The following BRD7 variants were observed in gnomAD, a reference collection of about 807,000 sequenced individuals.
The protein encoded by BRD7 is bromodomain containing 7.
Under a neutral mutation model 82.1 loss-of-function variants are expected in BRD7, and 15 were observed. That is an observed-to-expected ratio of 0.18 (90% confidence interval 0.12 to 0.28). BRD7 has a LOEUF of 0.28. Ranked by LOEUF, BRD7 falls within the 10% of genes least tolerant of loss-of-function variation. The pLI is 1.00. For synonymous variants in BRD7, 232 were observed against 266.9 expected (o/e 0.87, Z 1.27); for missense variants, 638 against 779.9 (o/e 0.82, Z 2.17).
Position 50,354,481 on chromosome 16 carries a change from T to C in BRD7, c.390A>G (p.Glu130=). ...PLTSSLAKQE[E]VEQTPLQEAL... is the part of the protein sequence containing the mutation. ...CTTCTTGAAGGGGTGTCTGTTCTAC[T>C]TCTAAAGCAAAGAAGAAGGGAAAAG... Residue 130 remains glutamate, a splice_region_variant and synonymous_variant, in exon 4 of 17, where the codon GAA becomes GAG. Transcript: ENST00000394688. 1 of 1,610,618 alleles carries C rather than the reference T, an allele frequency of 6.2e-7. No individual in the cohort carries two copies. The highest frequency in any genetic ancestry group is 1.3e-5 in the African/African-American group (1 of 74,946).
At chr16:50,332,819 A>G (rs1413558889) in intron 8 of BRD7, among the ~76,000 whole-genome samples, 1 of 152,212 alleles carries the variant, frequency 6.6e-6, no homozygotes. Context: ...GAATCAAATC[A>G]TGTCCCCTGC....
intron 2 of BRD7, among the ~76,000 whole-genome samples, chr16:50,359,626 T>TA (rs373852234): frequency 6.6e-6 from 1 of 151,948 alleles, no homozygotes; most frequent in African/African-American, 2.4e-5. Flanking sequence ...AATAACTCAT[T>TA]AAAAAAAATA....
intron 3 of BRD7, 95 bp from the exon 4 acceptor site, chr16:50,354,577 C>T: frequency 8.2e-7 from 1 of 1,218,022 alleles, no homozygotes. Flanking sequence ...TATTAAATAT[C>T]TCATACAGAA....
Position 50,354,480 on chromosome 16 carries a change from C to A in BRD7, c.391G>T (p.Val131Leu), listed in dbSNP as rs749452040. ...LTSSLAKQEEVEQTPLQEALN... is the reference protein window; with the variant it reads ...LTSSLAKQEELEQTPLQEALN... ...GCTTCTTGAAGGGGTGTCTGTTCTA[C>A]TTCTAAAGCAAAGAAGAAGGGAAAA... Residue 131 changes from valine to leucine, a missense_variant and splice_region_variant, in exon 4 of 17, where the codon GTA becomes TTA. By Grantham distance (32) the Val-to-Leu change is conservative. Transcript: ENST00000394688. The A allele has an allele frequency of 6.2e-7, 1 of 1,610,534 alleles. No individual in the cohort carries two copies. The highest frequency in any genetic ancestry group is 1.1e-5 in the South Asian group (1 of 90,916).
chr16:50,367,797 C>G (rs925841071), intron 2 of BRD7, among the ~76,000 whole-genome samples: 2 of 152,224 alleles, frequency 1.3e-5, no homozygotes, highest in African/African-American at 4.8e-5. Flanking sequence ...CTTTCTTGAG[C>G]ATGACTTTTT....
chr16:50,355,648 T>C (rs2038703572), intron 2 of BRD7, among the ~76,000 whole-genome samples: 1 of 152,200 alleles, frequency 6.6e-6, no homozygotes, highest in East Asian at 1.9e-4. Context: ...AAAGAGAAAA[T>C]AGAATTTGAG....
chr16:50,343,640 G>A (rs116867835), intron 5 of BRD7, among the ~76,000 whole-genome samples: 4,276 of 152,242 alleles, frequency 0.028, 92 homozygotes, highest in Middle Eastern at 0.054. Flanking sequence ...TTTGCAAATG[G>A]CACACCAGAT....
At position 50,349,487 on chromosome 16, in the gene BRD7, C is replaced by T. The variant is rs544208335; in HGVS notation, c.591+536G>A. 6.2e-5 allele frequency: 29 copies of T among 465,788 alleles called. No homozygotes were observed. The Middle Eastern group carries it at 2.1e-3, about 33-fold the overall frequency. 28.9% of individuals were successfully genotyped at this position (465,788 alleles called of 1,614,324 possible). A position where few individuals can be genotyped will look rare whatever the true frequency, so the allele number is the denominator to read the frequency against. On this transcript the variant is annotated intron_variant, in intron 5 of 16. Transcript: ENST00000394688. ...ACTCTCTCCTGCTGCCATGTGAAGACGTGCTTGCTTCCCCTTCATGTTCCA... is the reference window on the plus strand; with the variant it reads ...ACTCTCTCCTGCTGCCATGTGAAGATGTGCTTGCTTCCCCTTCATGTTCCA...
intron 2 of BRD7, among the ~76,000 whole-genome samples, chr16:50,356,674 G>C (rs995228624): frequency 1.3e-5 from 2 of 150,718 alleles, no homozygotes; most frequent in African/African-American, 4.9e-5. Context: ...ACTCTGAAAG[G>C]GTATAAGGGA....
intron 5 of BRD7, 22 bp from the exon 6 acceptor site, chr16:50,340,108 A>G: frequency 7.2e-7 from 1 of 1,392,902 alleles, no homozygotes; most frequent in Non-Finnish European, 9.8e-7. Context: ...ACATTAAGGG[A>G]GAAAATGCAT....
rs2039225469 is a variant in BRD7 at position 50,368,255 on chromosome 16, C to T, written c.93G>A (p.Gly31=). 6.2e-7 allele frequency: 1 copy of T among 1,614,102 alleles called. No homozygotes were observed. The highest frequency in any genetic ancestry group is 8.5e-7 in the Non-Finnish European group (1 of 1,180,006). The change falls in exon 2 of 17, where the codon GGG becomes GGA. Residue 31 remains glycine, a synonymous_variant. Transcript: ENST00000394688. ...KPLKLVLKVG[G]NEVTELSTGS... is the part of the protein sequence containing the mutation. ...CCGTGGAGAGTTCGGTGACTTCGTTCCCTCCTACTTTGAGGACCAGCTTCA... is the reference window on the plus strand; with the variant it reads ...CCGTGGAGAGTTCGGTGACTTCGTTTCCTCCTACTTTGAGGACCAGCTTCA...
At position 50,334,912 on chromosome 16, in the gene BRD7, ATATTCT is replaced by A. The variant is rs1376346812; in HGVS notation, c.703-23_703-18del. 1.2e-6 allele frequency: 2 copies of A among 1,604,894 alleles called. No individual in the cohort carries two copies. The highest frequency in any genetic ancestry group is 1.1e-5 in the South Asian group (1 of 89,980). ...AATTCTTTCCTAAACATATTCGAAA[ATATTCT>A]TATTATATGTTTGTCATTAACTTTT... is the stretch of plus-strand genomic sequence containing the variant. On this transcript the variant is annotated intron_variant, in intron 6 of 16. Transcript: ENST00000394688.
chr16:50,330,335 CACTTT>C (rs1489947038), intron 8 of BRD7, among the ~76,000 whole-genome samples: 3 of 78,024 alleles, frequency 3.8e-5, no homozygotes, highest in Non-Finnish European at 5.9e-5. Context: ...GAAAAGAGGA[CACTTT>C]TTTTTTTTTT....
Position 50,354,850 on chromosome 16 carries a change from C to T in BRD7, c.331G>A (p.Val111Met), listed in dbSNP as rs557624551. The change falls in exon 3 of 17, where the codon GTG (valine) becomes ATG (methionine). Residue 111 changes from valine to methionine, a missense_variant. By Grantham distance (21) the Val-to-Met change is conservative. Coordinates refer to ENST00000394688, the MANE Select transcript of BRD7 (RefSeq NM_013263.5). ...TTCTCAGGAGGCAAGTCTAATCTCA[C>T]AGGGGCGTGACACTGGAGATCTTTT... is the stretch of plus-strand genomic sequence containing the variant. ...AEKDLQCHAP[V>M]RLDLPPEKPL... 1 of 1,613,112 alleles carries T rather than the reference C, an allele frequency of 6.2e-7. No homozygotes were observed. Among genetic ancestry groups the T allele is most frequent in the Admixed American group, 1.7e-5 (1 of 60,006 alleles).
chr16:50,346,133 C>T (rs1047134331), intron 5 of BRD7, among the ~76,000 whole-genome samples: 1 of 152,186 alleles, frequency 6.6e-6, no homozygotes, highest in Non-Finnish European at 1.5e-5. Context: ...AACCGCTCAA[C>T]TACATGGAAA....
At chr16:50,340,160 T>C in intron 5 of BRD7, 74 bp from the exon 6 acceptor site, 1 of 713,764 alleles carries the variant, frequency 1.4e-6, no homozygotes, top group South Asian at 2.5e-5. Flanking sequence ...GTTGAAAATA[T>C]ACAGGTCCTC....
Position 50,368,819 on chromosome 16 carries a change from C to T in BRD7, c.-45G>A, listed in dbSNP as rs1174302349. ...CCCGCCCCCCGCGCCAGGCCCAGGC[C>T]GTGCGGCGCCGCTTCCGGTCCGGGC... On this transcript the variant is annotated 5_prime_UTR_variant, in exon 1 of 17. Coordinates refer to ENST00000394688, the MANE Select transcript of BRD7 (RefSeq NM_013263.5). 3 of 1,414,934 alleles carry T rather than the reference C, an allele frequency of 2.1e-6. No individual in the cohort carries two copies. Among genetic ancestry groups the T allele is most frequent in the Non-Finnish European group, 2.8e-6 (3 of 1,071,178 alleles). The allele number at this position is 1,414,934 out of a possible 1,614,324, so 87.6% of individuals were successfully genotyped here.
At position 50,334,780 on chromosome 16, in the gene BRD7, T is replaced by C; in HGVS notation, c.818A>G (p.Gln273Arg). The change falls in exon 7 of 17, where the codon CAG becomes CGG. Residue 273 changes from glutamine to arginine, a missense_variant. Gln to Arg is a conservative substitution (Grantham distance 43, BLOSUM62 1). Transcript: ENST00000394688. Reference protein sequence around the residue: ...SQSGEDGGCWQREREDSGDAE... With the variant: ...SQSGEDGGCWRREREDSGDAE... ...ATCTCCAGAGTCCTCTCTCTCTCTC[T>C]GCCAGCAGCCTCCGTCCTCCCCACT... The C allele has an allele frequency of 6.2e-7, 1 of 1,614,076 alleles. No individual in the cohort carries two copies. The highest frequency in any genetic ancestry group is 8.5e-7 in the Non-Finnish European group (1 of 1,179,940).
chr16:50,326,483 G>C lies in BRD7; in HGVS notation c.1088-92C>G. On this transcript the variant is annotated intron_variant, in intron 9 of 16. Transcript: ENST00000394688. ...AGTGACTCCGCACAAACCACTGCATGTCATCTGCATGACCGTGAAGGAGGC... is the reference window on the plus strand; with the variant it reads ...AGTGACTCCGCACAAACCACTGCATCTCATCTGCATGACCGTGAAGGAGGC... The C allele has an allele frequency of 5.2e-6, 4 of 763,242 alleles. No individual in the cohort carries two copies. In the South Asian group the frequency reaches 1.0e-4, roughly 20 times the overall value. 47.3% of individuals were successfully genotyped at this position (763,242 alleles called of 1,614,324 possible). A position where few individuals can be genotyped will look rare whatever the true frequency, so the allele number is the denominator to read the frequency against.
Sources: gnomAD v4.1 joint callset for allele counts (sites outside exome capture counted in the v4.1 genomes callset) on GRCh38, gnomAD v4.1.1 for gene constraint, MANE v1.5 for transcripts, NCBI Gene and HGNC (gene_info 2026-07-23, HGNC 2026-07-21) for gene names.